The following NCOA2 variants were observed in gnomAD, a reference collection of about 807,000 sequenced individuals.
The protein encoded by NCOA2 is nuclear receptor coactivator 2.
Under a neutral mutation model 145.1 loss-of-function variants are expected in NCOA2, and 21 were observed. The observed-to-expected ratio is 0.14, with a 90% CI of 0.10 to 0.21. The LOEUF (loss-of-function observed/expected upper bound fraction) is 0.21, where lower values mean the gene tolerates loss of function less well. Ranked by LOEUF, NCOA2 falls within the 10% of genes least tolerant of loss-of-function variation. NCOA2 has a pLI of 1.00. For synonymous variants in NCOA2, 619 were observed against 637.5 expected, an observed-to-expected ratio of 0.97 and a Z score of 0.44; for missense variants, 1,472 against 1,837.6, an observed-to-expected ratio of 0.80 and a Z score of 3.64.
chr8:70,374,883 T>A (rs1811536437), intron 1 of NCOA2, among the ~76,000 whole-genome samples: 1 of 151,572 alleles, frequency 6.6e-6, no homozygotes, highest in African/African-American at 2.4e-5. Context: ...TTACAGAAAA[T>A]TAAGTTTTCC....
the NCOA2 span, among the ~76,000 whole-genome samples, chr8:70,417,594 T>G: frequency 6.6e-6 from 1 of 151,962 alleles, no homozygotes; most frequent in Admixed American, 6.6e-5. Flanking sequence ...CAAAACTACC[T>G]TCTTTCATTA....
chr8:70,256,141 T>C (rs1823618125), intron 2 of NCOA2, among the ~76,000 whole-genome samples: 1 of 152,188 alleles, frequency 6.6e-6, no homozygotes, highest in African/African-American at 2.4e-5. Context: ...AAACCTTCCC[T>C]AGCAAGAGGG....
intron 1 of NCOA2, among the ~76,000 whole-genome samples, chr8:70,340,288 A>G (rs760881543): frequency 1.2e-4 from 18 of 152,348 alleles, no homozygotes; most frequent in Admixed American, 2.0e-4. Context: ...AAGGACATGT[A>G]CGAGCACTTC....
At chr8:70,270,851 A>G (rs1430415239) in intron 2 of NCOA2, among the ~76,000 whole-genome samples, 1 of 151,810 alleles carries the variant, frequency 6.6e-6, no homozygotes, top group Non-Finnish European at 1.5e-5. Flanking sequence ...GTTGAAATAA[A>G]TATGTTTGCA....
intron 1 of NCOA2, among the ~76,000 whole-genome samples, chr8:70,388,317 G>C (rs895909326): frequency 2.6e-5 from 4 of 152,136 alleles, no homozygotes; most frequent in Admixed American, 2.0e-4. Context: ...AGGAAAAATA[G>C]AAACATACTA....
chr8:70,117,100 T>C (rs761326598), intron 22 of NCOA2, among the ~76,000 whole-genome samples: 38 of 152,380 alleles, frequency 2.5e-4, no homozygotes, highest in Non-Finnish European at 4.3e-4. Context: ...TCTTTCCATT[T>C]TGGGTTTAAA....
intron 2 of NCOA2, among the ~76,000 whole-genome samples, chr8:70,225,441 C>A (rs965614782): frequency 2.0e-5 from 3 of 151,732 alleles, no homozygotes; most frequent in African/African-American, 7.3e-5. Context: ...CCCAGCTACT[C>A]AGGAGGCTGA....
chr8:70,179,572 G>C (rs1253886436), intron 4 of NCOA2, among the ~76,000 whole-genome samples: 1 of 152,148 alleles, frequency 6.6e-6, no homozygotes, highest in Non-Finnish European at 1.5e-5. Context: ...TAAATCCTTA[G>C]ATATTTATAC....
intron 2 of NCOA2, among the ~76,000 whole-genome samples, chr8:70,269,812 C>A (rs1166003511): frequency 6.6e-6 from 1 of 152,142 alleles, no homozygotes; most frequent in Non-Finnish European, 1.5e-5. Context: ...TATGTTGAAA[C>A]TTAAATTTTC....
chr8:70,356,368 C>T (rs1459518418), intron 1 of NCOA2, among the ~76,000 whole-genome samples: 1 of 152,012 alleles, frequency 6.6e-6, no homozygotes, highest in Non-Finnish European at 1.5e-5. Flanking sequence ...ATCCCTGCAG[C>T]AAAAACAAGT....
the NCOA2 span, among the ~76,000 whole-genome samples, chr8:70,439,792 T>A: frequency 6.6e-6 from 1 of 152,158 alleles, no homozygotes; most frequent in Non-Finnish European, 1.5e-5. Context: ...GGATCAAGCC[T>A]GCATGGACTC....
intron 2 of NCOA2, among the ~76,000 whole-genome samples, chr8:70,266,225 C>T (rs529688120): frequency 1.4e-4 from 22 of 152,294 alleles, no homozygotes; most frequent in South Asian, 8.3e-4. Flanking sequence ...TACAGTGGCA[C>T]GATCACAGTT....
chr8:70,226,660 TTATA>T (rs10554067), intron 2 of NCOA2, among the ~76,000 whole-genome samples: 19,943 of 146,498 alleles, frequency 0.14, 2,336 homozygotes, highest in African/African-American at 0.32. Context: ...TTTTAATTAT[TTATA>T]TATATATATA....
At chr8:70,398,652 G>C (rs924567471) in intron 1 of NCOA2, among the ~76,000 whole-genome samples, 5 of 152,166 alleles carry the variant, frequency 3.3e-5, no homozygotes, top group African/African-American at 1.2e-4. Context: ...TTTTCCTTTA[G>C]AACATTTAAC....
chr8:70,320,768 C>T (rs1586481182), intron 1 of NCOA2, among the ~76,000 whole-genome samples: 1 of 152,026 alleles, frequency 6.6e-6, no homozygotes, highest in Non-Finnish European at 1.5e-5. Flanking sequence ...TATTGATCTG[C>T]TCTTAATAAA....
intron 2 of NCOA2, among the ~76,000 whole-genome samples, chr8:70,225,115 C>T (rs183603341): frequency 1.8e-4 from 27 of 152,230 alleles, no homozygotes; most frequent in African/African-American, 5.8e-4. Context: ...AAGCAAGGTT[C>T]TAGTTATTGG....
intron 2 of NCOA2, among the ~76,000 whole-genome samples, chr8:70,264,537 C>A (rs116072317): frequency 6.6e-6 from 1 of 152,032 alleles, no homozygotes; most frequent in Non-Finnish European, 1.5e-5. Flanking sequence ...CAAATGTCAA[C>A]CTATATACTT....
intron 1 of NCOA2, among the ~76,000 whole-genome samples, chr8:70,378,036 T>C (rs1441347891): frequency 4.6e-5 from 7 of 152,164 alleles, no homozygotes; most frequent in South Asian, 2.1e-4. Flanking sequence ...GTTGGAACCA[T>C]GAGACTGCAA....
At chr8:70,421,879 G>C in the NCOA2 span, among the ~76,000 whole-genome samples, 1 of 152,106 alleles carries the variant, frequency 6.6e-6, no homozygotes, top group South Asian at 2.1e-4. Flanking sequence ...TGGATCACCT[G>C]AGGCCAGGAG....
Sources: gnomAD v4.1 joint callset for allele counts (sites outside exome capture counted in the v4.1 genomes callset) on GRCh38, gnomAD v4.1.1 for gene constraint, MANE v1.5 for transcripts, NCBI Gene and HGNC (gene_info 2026-07-23, HGNC 2026-07-21) for gene names.